ANKRD22: variants seen among roughly 807,000 people sequenced by gnomAD.
ANKRD22 encodes ankyrin repeat domain-containing protein 22.
Under a neutral mutation model 25.7 loss-of-function variants are expected in ANKRD22, and 24 were observed. The ratio of observed to expected loss-of-function variants is 0.93; its 90% CI spans 0.68 to 1.31. The LOEUF (loss-of-function observed/expected upper bound fraction) is 1.31, where lower values mean the gene tolerates loss of function less well. Ranked by LOEUF, ANKRD22 falls within the 50% of genes most tolerant of loss-of-function variation. The pLI is 0.00. For synonymous variants in ANKRD22, 84 were observed against 84.3 expected, an observed-to-expected ratio of 1.00 and a Z score of 0.02; for missense variants, 214 against 227.1, an observed-to-expected ratio of 0.94 and a Z score of 0.37.
intron 4 of ANKRD22, among the ~76,000 whole-genome samples, chr10:88,823,990 A>C (rs934054783): frequency 1.3e-5 from 2 of 152,202 alleles, no homozygotes; most frequent in Non-Finnish European, 2.9e-5. Flanking sequence ...GTCGCATGCT[A>C]TATGCCTCGG....
chr10:88,840,639 G>A (rs1274658340), intron 1 of ANKRD22, among the ~76,000 whole-genome samples: 9 of 152,114 alleles, frequency 5.9e-5, no homozygotes, highest in Non-Finnish European at 1.3e-4. Flanking sequence ...CTTCTGAGAA[G>A]GATTTGTAGG....
At position 88,820,099 on chromosome 10, in the gene ANKRD22, A is replaced by G. The variant is rs1047134161; in HGVS notation, c.*2842T>C. On this transcript the variant is annotated 3_prime_UTR_variant, in exon 6 of 6. Coordinates refer to ENST00000371930, the MANE Select transcript of ANKRD22 (RefSeq NM_144590.3). ...GGGCGGGAACAGAAATTCTTAACAG[A>G]GTTGTGTGGCTCTAACACCCATGTA... The G allele has an allele frequency of 1.5e-6, 1 of 670,494 alleles. No individual in the cohort carries two copies. The highest frequency in any genetic ancestry group is 2.5e-6 in the Non-Finnish European group (1 of 407,666). The allele number at this position is 670,494 out of a possible 1,614,324, so 41.5% of individuals were successfully genotyped here. A position where few individuals can be genotyped will look rare whatever the true frequency, so the allele number is the denominator to read the frequency against.
chr10:88,848,564 C>A (rs1268638458), intron 1 of ANKRD22, among the ~76,000 whole-genome samples: 2 of 152,116 alleles, frequency 1.3e-5, no homozygotes, highest in Non-Finnish European at 2.9e-5. Context: ...TGTGAGAATG[C>A]AATTTTTTCC....
chr10:88,822,818 A>T lies in ANKRD22; in HGVS notation c.*123T>A. The T allele has an allele frequency of 2.5e-6, 2 of 807,282 alleles. No individual in the cohort carries two copies. The highest frequency in any genetic ancestry group is 4.1e-6 in the Non-Finnish European group (2 of 487,238). The allele number at this position is 807,282 out of a possible 1,614,324, so 50.0% of individuals were successfully genotyped here. ...CTCTTCCAAAACATTAACCATGGTA[A>T]GCATCATTATCCCCATAAAATGGTG... is the stretch of plus-strand genomic sequence containing the variant. On this transcript the variant is annotated 3_prime_UTR_variant, in exon 6 of 6. Transcript: ENST00000371930.
chr10:88,824,009 A>G (rs1482427109), intron 4 of ANKRD22, among the ~76,000 whole-genome samples: 1 of 152,096 alleles, frequency 6.6e-6, no homozygotes, highest in African/African-American at 2.4e-5. Flanking sequence ...GGTGATCATC[A>G]CCTTGATCAT....
intron 1 of ANKRD22, among the ~76,000 whole-genome samples, chr10:88,847,787 A>G (rs561987828): frequency 1.3e-5 from 2 of 152,192 alleles, no homozygotes; most frequent in Admixed American, 6.5e-5. Flanking sequence ...CCAAAAAACA[A>G]AAAAAGACAC....
intron 1 of ANKRD22, among the ~76,000 whole-genome samples, chr10:88,834,602 T>G (rs1371924714): frequency 6.6e-6 from 1 of 152,226 alleles, no homozygotes; most frequent in Non-Finnish European, 1.5e-5. Context: ...AACTAGAATA[T>G]TTCATGTATT....
Position 88,822,566 on chromosome 10 carries a change from T to TTTTTTTTTTTTTTTTTTTTTTTTTTTTG in ANKRD22, c.*374_*375insCAAAAAAAAAAAAAAAAAAAAAAAAAAA. ...GGGCTTTTTTTTTTTTTTTTTTTTT[T>TTTTTTTTTTTTTTTTTTTTTTTTTTTTG]GAGACAGGGTCTCGCTGTGTTGCCC... On this transcript the variant is annotated 3_prime_UTR_variant, in exon 6 of 6. Coordinates refer to ENST00000371930, the MANE Select transcript of ANKRD22 (RefSeq NM_144590.3). The TTTTTTTTTTTTTTTTTTTTTTTTTTTTG allele has an allele frequency of 7.2e-6, 1 of 138,176 alleles. No homozygotes were observed. The allele number at this position is 138,176 out of a possible 1,614,324, so 8.6% of individuals were successfully genotyped here.
chr10:88,839,733 GA>G (rs1291334067), intron 1 of ANKRD22, among the ~76,000 whole-genome samples: 1 of 152,148 alleles, frequency 6.6e-6, no homozygotes, highest in African/African-American at 2.4e-5. Flanking sequence ...GGATTCATCC[GA>G]TCTGGCTGGG....
intron 1 of ANKRD22, among the ~76,000 whole-genome samples, chr10:88,840,932 T>C (rs1457120672): frequency 6.6e-6 from 1 of 152,118 alleles, no homozygotes; most frequent in African/African-American, 2.4e-5. Context: ...GCCCACTCCG[T>C]CTCTGTGTAA....
chr10:88,828,352 C>G (rs552485435), intron 3 of ANKRD22, among the ~76,000 whole-genome samples: 25 of 152,272 alleles, frequency 1.6e-4, no homozygotes, highest in Non-Finnish European at 3.2e-4. Flanking sequence ...GATTATGTTA[C>G]CATTGATTAA....
At chr10:88,823,644 G>A (rs562733046) in intron 4 of ANKRD22, 18 of 316,814 alleles carry the variant, frequency 5.7e-5, no homozygotes, top group Middle Eastern at 1.1e-3. Flanking sequence ...TGGCTAACAC[G>A]GTGAAACCCT....
At position 88,820,753 on chromosome 10, in the gene ANKRD22, T is replaced by C. The variant is rs1434926287; in HGVS notation, c.*2188A>G. Among the ~76,000 whole-genome samples, 1 of 152,228 alleles carries C rather than the reference T, an allele frequency of 6.6e-6. No individual in the cohort carries two copies. The highest frequency in any genetic ancestry group is 2.4e-5 in the African/African-American group (1 of 41,464). ...TTTTACCTGATAGCCAGAAAATATC[T>C]AGACATTCTCTATATCATTCAGGTA... On this transcript the variant is annotated 3_prime_UTR_variant, in exon 6 of 6. Transcript: ENST00000371930.
intron 1 of ANKRD22, among the ~76,000 whole-genome samples, chr10:88,834,236 A>G (rs997991168): frequency 6.6e-6 from 1 of 152,210 alleles, no homozygotes; most frequent in Admixed American, 6.5e-5. Context: ...CCAACTCTTA[A>G]TTTTTCAATT....
rs1843780579 is a variant in ANKRD22, at chr10:88,820,558, TG to T, written c.*2382del. 4 of 1,490,990 alleles carry T rather than the reference TG, an allele frequency of 2.7e-6. No individual in the cohort carries two copies. Among genetic ancestry groups the T allele is most frequent in the Non-Finnish European group, 3.6e-6 (4 of 1,115,860 alleles). The allele number at this position is 1,490,990 out of a possible 1,614,324, so 92.4% of individuals were successfully genotyped here. On this transcript the variant is annotated 3_prime_UTR_variant, in exon 6 of 6. Coordinates refer to ENST00000371930, the MANE Select transcript of ANKRD22 (RefSeq NM_144590.3). ...TCCTGAGGGATGGGGCTAGGACCCATGAAGGCAGAATTACGGAGAGCAGAGA... is the reference window on the plus strand; with the variant it reads ...TCCTGAGGGATGGGGCTAGGACCCATAAGGCAGAATTACGGAGAGCAGAGA...
intron 1 of ANKRD22, among the ~76,000 whole-genome samples, chr10:88,849,008 G>GTA (rs1844079146): frequency 6.7e-6 from 1 of 149,754 alleles, no homozygotes; most frequent in East Asian, 1.9e-4. Flanking sequence ...GCATGTGCAT[G>GTA]TGTGTGTGTG....
At chr10:88,839,140 A>G (rs1035935094) in intron 1 of ANKRD22, among the ~76,000 whole-genome samples, 6 of 152,158 alleles carry the variant, frequency 3.9e-5, no homozygotes, top group Admixed American at 2.6e-4. Flanking sequence ...TTACACTTGC[A>G]TGTGACCTAT....
At chr10:88,841,209 G>A (rs1844001167) in intron 1 of ANKRD22, among the ~76,000 whole-genome samples, 1 of 152,082 alleles carries the variant, frequency 6.6e-6, no homozygotes, top group Non-Finnish European at 1.5e-5. Flanking sequence ...CTCCAGCGAG[G>A]AGTAAGGGTG....
At chr10:88,846,727 A>T (rs1450215303) in intron 1 of ANKRD22, among the ~76,000 whole-genome samples, 1 of 152,176 alleles carries the variant, frequency 6.6e-6, no homozygotes, top group East Asian at 1.9e-4. Context: ...GCATTAGCAC[A>T]TCCCAGCGCA....
Sources: gnomAD v4.1 joint callset for allele counts (sites outside exome capture counted in the v4.1 genomes callset) on GRCh38, gnomAD v4.1.1 for gene constraint, MANE v1.5 for transcripts, NCBI Gene and HGNC (gene_info 2026-07-23, HGNC 2026-07-21) for gene names.